CDH18: variants seen among roughly 807,000 people sequenced by gnomAD.
CDH18 encodes the protein cadherin-18.
In CDH18, 31 loss-of-function variants were observed where a neutral mutation model predicts 67.9. The ratio of observed to expected loss-of-function variants is 0.46; its 90% CI spans 0.34 to 0.62. CDH18 has a LOEUF of 0.62. CDH18 is among the 20% of genes least tolerant of loss of function. The pLI is 0.01. For missense variants in CDH18, 890 were observed against 975.5 expected (o/e 0.91, Z 1.17); for synonymous variants, 362 against 347.2 (o/e 1.04, Z -0.48).
chr5:20,387,026 C>T (rs368579239), intron 1 of CDH18, among the ~76,000 whole-genome samples: 123 of 152,134 alleles, frequency 8.1e-4, no homozygotes, highest in African/African-American at 2.9e-3. Flanking sequence ...TCCTATAAAC[C>T]AGGGGTCAGC....
chr5:20,055,619 A>G (rs1186923201), intron 2 of CDH18, among the ~76,000 whole-genome samples: 2 of 152,242 alleles, frequency 1.3e-5, no homozygotes, highest in Non-Finnish European at 2.9e-5. Context: ...AAACTAACCC[A>G]ACAACTGGCT....
intron 9 of CDH18, among the ~76,000 whole-genome samples, chr5:19,535,139 G>C (rs1493438): frequency 0.51 from 76,940 of 151,966 alleles, 20,570 homozygotes; most frequent in African/African-American, 0.69. Context: ...AAAGAAACTG[G>C]GTAACACACT....
Position 19,617,121 on chromosome 5 carries a change from T to C in CDH18, c.644-4520A>G, listed in dbSNP as rs1007766128. Among the ~76,000 whole-genome samples, 10 of 152,164 alleles carry C rather than the reference T, an allele frequency of 6.6e-5. No homozygotes were observed. In the South Asian group the frequency reaches 1.0e-3, roughly 16 times the overall value. ...TGGTTCAAGACCATATGTTGCTGAA[T>C]AGGCAACAATTAAAAAGGCAAAGTC... On this transcript the variant is annotated intron_variant, in intron 5 of 12. Coordinates refer to ENST00000382275, the MANE Select transcript of CDH18 (RefSeq NM_004934.5).
chr5:19,581,413 T>G (rs1266652442), intron 7 of CDH18, among the ~76,000 whole-genome samples: 1 of 152,008 alleles, frequency 6.6e-6, no homozygotes, highest in Non-Finnish European at 1.5e-5. Flanking sequence ...ACTTTTTAAT[T>G]GTTTCTCATT....
intron 1 of CDH18, among the ~76,000 whole-genome samples, chr5:20,289,753 G>A (rs185266597): frequency 2.9e-3 from 434 of 151,890 alleles, no homozygotes; most frequent in African/African-American, 9.1e-3. Flanking sequence ...GTAACAGTAC[G>A]ATTAAGGAAA....
chr5:20,167,627 A>G (rs947186723), intron 2 of CDH18, among the ~76,000 whole-genome samples: 2 of 152,170 alleles, frequency 1.3e-5, no homozygotes, highest in Non-Finnish European at 2.9e-5. Flanking sequence ...AGTTGGAATC[A>G]TTAGAAGAGA....
chr5:20,032,943 C>T (rs2150455711), intron 2 of CDH18, among the ~76,000 whole-genome samples: 1 of 151,964 alleles, frequency 6.6e-6, no homozygotes, highest in African/African-American at 2.4e-5. Context: ...AATTTTGAGG[C>T]ATTAGTATGC....
chr5:19,490,770 T>C (rs2126665676), intron 11 of CDH18, among the ~76,000 whole-genome samples: 1 of 152,154 alleles, frequency 6.6e-6, no homozygotes, highest in Non-Finnish European at 1.5e-5. Context: ...TTAGTGAATA[T>C]GAGTCAGTTT....
intron 2 of CDH18, among the ~76,000 whole-genome samples, chr5:19,977,828 G>A (rs1294928294): frequency 2.0e-5 from 3 of 152,052 alleles, no homozygotes; most frequent in Non-Finnish European, 4.4e-5. Flanking sequence ...AAAAGGTTGA[G>A]CAACATTCTA....
intron 1 of CDH18, among the ~76,000 whole-genome samples, chr5:20,407,552 T>C (rs58438319): frequency 0.11 from 16,038 of 143,728 alleles, 1,079 homozygotes; most frequent in East Asian, 0.26. Flanking sequence ...AAAAATGAAC[T>C]AGCCACATAA....
At chr5:20,534,051 A>G (rs2126563668) in intron 1 of CDH18, among the ~76,000 whole-genome samples, 1 of 151,998 alleles carries the variant, frequency 6.6e-6, no homozygotes, top group African/African-American at 2.4e-5. Flanking sequence ...ACATTTTCAT[A>G]AAGAAAAGTG....
intron 1 of CDH18, among the ~76,000 whole-genome samples, chr5:20,498,821 A>C (rs904240945): frequency 1.3e-5 from 2 of 152,126 alleles, no homozygotes; most frequent in Non-Finnish European, 2.9e-5. Context: ...TGCTACAATA[A>C]GAAAAAAATT....
At chr5:19,883,806 G>A (rs1464342332) in intron 2 of CDH18, among the ~76,000 whole-genome samples, 1 of 152,040 alleles carries the variant, frequency 6.6e-6, no homozygotes, top group Non-Finnish European at 1.5e-5. Flanking sequence ...TACAAGGATA[G>A]ACGAGAGTTT....
intron 2 of CDH18, among the ~76,000 whole-genome samples, chr5:20,194,658 AT>A (rs536205549): frequency 1.2e-4 from 13 of 104,942 alleles, no homozygotes; most frequent in Middle Eastern, 0.011. Flanking sequence ...CTTTGAAGTA[AT>A]TTTTTTTTTT....
At chr5:19,966,898 T>C (rs965801719) in intron 2 of CDH18, among the ~76,000 whole-genome samples, 9 of 152,020 alleles carry the variant, frequency 5.9e-5, no homozygotes, top group African/African-American at 2.2e-4. Flanking sequence ...TAACAAAAAT[T>C]ACAGTTATAT....
chr5:20,320,125 A>G (rs970645600), intron 1 of CDH18, among the ~76,000 whole-genome samples: 1 of 152,140 alleles, frequency 6.6e-6, no homozygotes, highest in African/African-American at 2.4e-5. Context: ...ATATTTTTGT[A>G]TCTCTAGATA....
At chr5:20,449,505 T>G (rs1030992571) in intron 1 of CDH18, among the ~76,000 whole-genome samples, 1 of 152,042 alleles carries the variant, frequency 6.6e-6, no homozygotes, top group Non-Finnish European at 1.5e-5. Context: ...TAATAACATC[T>G]CCCACAATAT....
At chr5:20,467,477 G>C (rs10043943) in intron 1 of CDH18, among the ~76,000 whole-genome samples, 43,228 of 151,986 alleles carry the variant, frequency 0.28, 6,421 homozygotes, top group East Asian at 0.39. Flanking sequence ...GCTGTTGCAG[G>C]AAATCAGCTG....
chr5:19,553,630 A>C (rs1233773867), intron 8 of CDH18, among the ~76,000 whole-genome samples: 1 of 144,312 alleles, frequency 6.9e-6, no homozygotes, highest in Admixed American at 6.9e-5. Flanking sequence ...ACTTGGTCTC[A>C]TACTTTTTTT....
Sources: gnomAD v4.1 joint callset for allele counts (sites outside exome capture counted in the v4.1 genomes callset) on GRCh38, gnomAD v4.1.1 for gene constraint, MANE v1.5 for transcripts, NCBI Gene and HGNC (gene_info 2026-07-23, HGNC 2026-07-21) for gene names.